The following OR6J1 variants were observed in gnomAD, a reference collection of about 807,000 sequenced individuals.
OR6J1 encodes olfactory receptor 6J1.
For synonymous variants in OR6J1, 109 were observed against 70.0 expected, an observed-to-expected ratio of 1.56 and a Z score of -2.78; for missense variants, 304 against 166.8, an observed-to-expected ratio of 1.82 and a Z score of -4.53.
At position 22,633,637 on chromosome 14, in the gene OR6J1, C is replaced by T; in HGVS notation, c.*131G>A. 1 of 597,586 alleles carries T rather than the reference C, an allele frequency of 1.7e-6. No individual in the cohort carries two copies. Among genetic ancestry groups the T allele is most frequent in the Non-Finnish European group, 3.0e-6 (1 of 337,626 alleles). The allele number at this position is 597,586 out of a possible 1,614,324, so 37.0% of individuals were successfully genotyped here. On this transcript the variant is annotated 3_prime_UTR_variant, in exon 2 of 2. Coordinates refer to ENST00000540461, the MANE Select transcript of OR6J1 (RefSeq NM_001348233.2). The stretch of plus-strand genomic sequence containing the variant: ...AGAGTCAGAATGGCTGGTGACACAG[C>T]TGCGGTCACAGATTAAAGTGAAAAC...
rs1466950724 is a variant in OR6J1 at position 22,643,764 on chromosome 14, C to CACACAGAGAGAGAGAGAGAGAG, written c.-28+333_-28+334insCTCTCTCTCTCTCTCTCTGTGT. ...ACACACACACACACACACACACACA[C>CACACAGAGAGAGAGAGAGAGAG]AGAGAGAGAGAGAGAGAGAGAGAGA... On this transcript the variant is annotated intron_variant, in intron 1 of 1. Coordinates refer to ENST00000540461, the MANE Select transcript of OR6J1 (RefSeq NM_001348233.2). Among the ~76,000 whole-genome samples, 5 of 37,692 alleles carry CACACAGAGAGAGAGAGAGAGAG rather than the reference C, an allele frequency of 1.3e-4. No homozygotes were observed. In the Admixed American group the frequency reaches 1.8e-3, roughly 13 times the overall value. 24.7% of individuals were successfully genotyped at this position (37,692 alleles called of 152,430 possible). A position where few individuals can be genotyped will look rare whatever the true frequency, so the allele number is the denominator to read the frequency against.
Position 22,631,106 on chromosome 14 carries a change from C to G in OR6J1, c.*2662G>C, listed in dbSNP as rs1464860200. 1 of 152,110 alleles carries G rather than the reference C, an allele frequency of 6.6e-6. No homozygotes were observed. The highest frequency in any genetic ancestry group is 1.5e-5 in the Non-Finnish European group (1 of 68,030). 9.4% of individuals were successfully genotyped at this position (152,110 alleles called of 1,614,324 possible). ...TACAAAGTAATAGAATATCACAAGG[C>G]AAAGGGAGGCATGGCGAGATCACAG... On this transcript the variant is annotated 3_prime_UTR_variant, in exon 2 of 2. Transcript: ENST00000540461.
At chr14:22,642,175 C>T (rs774096619) in intron 1 of OR6J1, among the ~76,000 whole-genome samples, 2 of 151,744 alleles carry the variant, frequency 1.3e-5, no homozygotes, top group Non-Finnish European at 2.9e-5. Flanking sequence ...ATTTGCATTG[C>T]CAAGGATCTT....
At position 22,634,150 on chromosome 14, in the gene OR6J1, A is replaced by G. The variant is rs747174712; in HGVS notation, c.662T>C (p.Ile221Thr). 8.5e-6 allele frequency: 6 copies of G among 703,418 alleles called. 1 individual carries two copies. In the South Asian group the frequency reaches 8.9e-5, roughly 10 times the overall value. 43.6% of individuals were successfully genotyped at this position (703,418 alleles called of 1,614,324 possible). The change falls in exon 2 of 2, where the codon ATC becomes ACC. Residue 221 changes from isoleucine to threonine, a missense_variant. Transcript: ENST00000540461. ...VLVAYSYTYI[I>T]LTIVRIPSAS... ...AGAAGGAATGCGCACTATGGTCAAGATGATGTACGTATAGGAATAGGCCAC... is the reference window on the plus strand; with the variant it reads ...AGAAGGAATGCGCACTATGGTCAAGGTGATGTACGTATAGGAATAGGCCAC...
Position 22,632,501 on chromosome 14 carries a change from G to C in OR6J1, c.*1267C>G, listed in dbSNP as rs955927310. On this transcript the variant is annotated 3_prime_UTR_variant, in exon 2 of 2. Coordinates refer to ENST00000540461, the MANE Select transcript of OR6J1 (RefSeq NM_001348233.2). Reference sequence around the variant, plus strand: ...GAATCACTTGAACCCAGGAGGCGGAGGTTGCAGTGAGCTGAGATTGCACCA... The same window carrying C: ...GAATCACTTGAACCCAGGAGGCGGACGTTGCAGTGAGCTGAGATTGCACCA... 1 of 152,232 alleles carries C rather than the reference G, an allele frequency of 6.6e-6. No individual in the cohort carries two copies. Among genetic ancestry groups the C allele is most frequent in the Non-Finnish European group, 1.5e-5 (1 of 68,076 alleles). 9.4% of individuals were successfully genotyped at this position (152,232 alleles called of 1,614,324 possible).
chr14:22,643,563 C>T (rs776141516), intron 1 of OR6J1, among the ~76,000 whole-genome samples: 2 of 151,960 alleles, frequency 1.3e-5, no homozygotes, highest in Non-Finnish European at 2.9e-5. Flanking sequence ...TCCCAAAGTG[C>T]TGAGATTACA....
chr14:22,641,449 GAA>G (rs1429586998), intron 1 of OR6J1, among the ~76,000 whole-genome samples: 976 of 64,076 alleles, frequency 0.015, 20 homozygotes, highest in African/African-American at 0.035. Context: ...GAAAGAGAGA[GAA>G]AGAAAGAAAG....
Position 22,633,602 on chromosome 14 carries a change from G to GA in OR6J1, c.*165dup, listed in dbSNP as rs2037561756. On this transcript the variant is annotated 3_prime_UTR_variant, in exon 2 of 2. Coordinates refer to ENST00000540461, the MANE Select transcript of OR6J1 (RefSeq NM_001348233.2). ...AGTCCAGCCCTGTTGCACTTCAGCTGAGAGTACTGAGAGTCAGAATGGCTG... is the reference window on the plus strand; with the variant it reads ...AGTCCAGCCCTGTTGCACTTCAGCTGAAGAGTACTGAGAGTCAGAATGGCTG... 1.7e-6 allele frequency: 1 copy of GA among 588,312 alleles called. No individual in the cohort carries two copies. Among genetic ancestry groups the GA allele is most frequent in the African/African-American group, 1.9e-5 (1 of 53,814 alleles). The allele number at this position is 588,312 out of a possible 1,614,324, so 36.4% of individuals were successfully genotyped here. A position where few individuals can be genotyped will look rare whatever the true frequency, so the allele number is the denominator to read the frequency against.
intron 1 of OR6J1, among the ~76,000 whole-genome samples, chr14:22,642,969 ATT>A (rs776883380): frequency 2.9e-5 from 4 of 140,002 alleles, no homozygotes; most frequent in African/African-American, 2.6e-5. Context: ...CACCTGGATA[ATT>A]TTTTTTTTTT....
At chr14:22,635,368 GTAT>G (rs1197076656) in intron 1 of OR6J1, among the ~76,000 whole-genome samples, 3 of 152,102 alleles carry the variant, frequency 2.0e-5, no homozygotes, top group Non-Finnish European at 4.4e-5. Context: ...CATTCAAAAT[GTAT>G]TATTAAGTTT....
chr14:22,640,774 A>G (rs1294488599), intron 1 of OR6J1, among the ~76,000 whole-genome samples: 1 of 151,222 alleles, frequency 6.6e-6, no homozygotes, highest in East Asian at 1.9e-4. Flanking sequence ...TCCTGCCTCT[A>G]CTTCCCAAAG....
chr14:22,643,764 C>CAGAGAGAGAGAGAGAGAGAGAGAG (rs1233027589), intron 1 of OR6J1, among the ~76,000 whole-genome samples: 1 of 37,650 alleles, frequency 2.7e-5, no homozygotes, highest in Admixed American at 5.9e-4. Context: ...CACACACACA[C>CAGAGAGAGAGAGAGAGAGAGAGAG]AGAGAGAGAG....
chr14:22,641,296 GAGAC>G (rs547345422), intron 1 of OR6J1, among the ~76,000 whole-genome samples: 677 of 62,048 alleles, frequency 0.011, 46 homozygotes, highest in East Asian at 0.032. Context: ...AGAAGAAAGA[GAGAC>G]AGAGAGGAAA....
intron 1 of OR6J1, among the ~76,000 whole-genome samples, 185 bp from the exon 2 acceptor site, chr14:22,635,023 A>G (rs1424040848): frequency 2.0e-5 from 3 of 152,256 alleles, no homozygotes; most frequent in Non-Finnish European, 4.4e-5. Context: ...AATAATGTAC[A>G]CTGTCAGCAA....
At chr14:22,635,818 T>C (rs2037579694) in intron 1 of OR6J1, among the ~76,000 whole-genome samples, 1 of 152,172 alleles carries the variant, frequency 6.6e-6, no homozygotes, top group African/African-American at 2.4e-5. Flanking sequence ...AACTTTTGTG[T>C]AAAGATCAAA....
Position 22,633,827 on chromosome 14 carries a change from G to A in OR6J1, c.985C>T (p.His329Tyr). ...GGAGAAGAGCAAGCCCTTCCTTGGTGGTCTTTGTTGGAGGATAATCTGCTT... is the reference window on the plus strand; with the variant it reads ...GGAGAAGAGCAAGCCCTTCCTTGGTAGTCTTTGTTGGAGGATAATCTGCTT... ...LRSRLSSNKD[H>Y]QGRACSSPPC... Residue 329 changes from histidine (H) to tyrosine (Y), a missense_variant, in exon 2 of 2, where the codon CAC (histidine) becomes TAC (tyrosine). By Grantham distance (83) the His-to-Tyr change is moderately conservative. Transcript: ENST00000540461. 1 of 702,270 alleles carries A rather than the reference G, an allele frequency of 1.4e-6. No homozygotes were observed. The highest frequency in any genetic ancestry group is 2.6e-6 in the Non-Finnish European group (1 of 384,532). The allele number at this position is 702,270 out of a possible 1,614,324, so 43.5% of individuals were successfully genotyped here. A position where few individuals can be genotyped will look rare whatever the true frequency, so the allele number is the denominator to read the frequency against.
intron 1 of OR6J1, among the ~76,000 whole-genome samples, chr14:22,639,345 C>T (rs1288253231): frequency 1.6e-5 from 2 of 127,898 alleles, no homozygotes; most frequent in Non-Finnish European, 3.3e-5. Context: ...CCAGCCACCC[C>T]GTCCGGGAGG....
intron 1 of OR6J1, among the ~76,000 whole-genome samples, chr14:22,640,051 G>A (rs2037631278): frequency 6.6e-6 from 1 of 151,526 alleles, no homozygotes; most frequent in East Asian, 1.9e-4. Flanking sequence ...TAATTGCTTT[G>A]GAAAATAATT....
intron 1 of OR6J1, among the ~76,000 whole-genome samples, chr14:22,640,766 C>T (rs577766326): frequency 6.6e-6 from 1 of 151,692 alleles, no homozygotes; most frequent in African/African-American, 2.4e-5. Flanking sequence ...AGCGATTCTC[C>T]TGCCTCTACT....
Sources: allele counts gnomAD v4.1 joint callset (sites outside exome capture counted in the v4.1 genomes callset), GRCh38; gene constraint gnomAD v4.1.1; transcripts MANE v1.5; gene names NCBI Gene and HGNC (gene_info 2026-07-23, HGNC 2026-07-21).